The following NLN variants were observed in gnomAD, a reference collection of about 807,000 sequenced individuals.
NLN encodes the protein neurolysin, mitochondrial.
NLN carries 64 observed loss-of-function variants against 79.9 expected under a neutral mutation model. That is an observed-to-expected ratio of 0.80 (90% CI 0.65 to 0.99). The LOEUF (loss-of-function observed/expected upper bound fraction) is 0.99, where lower values mean the gene tolerates loss of function less well. Among genes scored for constraint, NLN ranks in the 50% least tolerant of loss-of-function variants. The pLI is 0.00. For missense variants in NLN, 835 were observed against 858.7 expected, an observed-to-expected ratio of 0.97 and a Z score of 0.34; for synonymous variants, 267 against 296.6, an observed-to-expected ratio of 0.90 and a Z score of 1.02.
At chr5:65,816,214 A>G (rs1197689578) in intron 12 of NLN, among the ~76,000 whole-genome samples, 1 of 152,102 alleles carries the variant, frequency 6.6e-6, no homozygotes, top group Admixed American at 6.5e-5. Flanking sequence ...AAAGAACAAG[A>G]TCATGTCCTT....
At chr5:65,758,505 C>G in intron 1 of NLN, 62 bp from the exon 2 acceptor site, 1 of 1,137,380 alleles carries the variant, frequency 8.8e-7, no homozygotes, top group Non-Finnish European at 1.3e-6. Context: ...AATGCACATT[C>G]ATATGTTGAC....
At chr5:65,736,800 TCC>T (rs1758737367) in intron 1 of NLN, among the ~76,000 whole-genome samples, 1 of 152,204 alleles carries the variant, frequency 6.6e-6, no homozygotes, top group African/African-American at 2.4e-5. Flanking sequence ...TCACTTGTTT[TCC>T]AGTATTCAAA....
At chr5:65,771,923 A>T (rs252631) in intron 3 of NLN, among the ~76,000 whole-genome samples, 64,706 of 149,430 alleles carry the variant, frequency 0.43, 15,085 homozygotes, top group Non-Finnish European at 0.53. Flanking sequence ...TAAAAATTTT[A>T]AAATTAAGTT....
intron 3 of NLN, among the ~76,000 whole-genome samples, chr5:65,772,277 A>C (rs1388718830): frequency 2.6e-5 from 4 of 152,176 alleles, no homozygotes; most frequent in Non-Finnish European, 5.9e-5. Flanking sequence ...TGTGACTTAA[A>C]GCTCTTCAAG....
intron 1 of NLN, among the ~76,000 whole-genome samples, chr5:65,723,537 G>A (rs1318353604): frequency 6.6e-6 from 1 of 152,144 alleles, no homozygotes; most frequent in Admixed American, 6.5e-5. Flanking sequence ...ATTCTCGGCC[G>A]GGCGCTGTGG....
At chr5:65,815,978 C>T (rs1579972910) in intron 12 of NLN, among the ~76,000 whole-genome samples, 1 of 151,974 alleles carries the variant, frequency 6.6e-6, no homozygotes, top group Non-Finnish European at 1.5e-5. Context: ...TAACTGGGTA[C>T]TTGTATTTTC....
chr5:65,818,194 A>AC (rs1760712341), intron 12 of NLN, among the ~76,000 whole-genome samples: 1 of 152,068 alleles, frequency 6.6e-6, no homozygotes, highest in South Asian at 2.1e-4. Flanking sequence ...TGCTCTTAGT[A>AC]CCCCAATAAT....
At chr5:65,741,710 C>G (rs1387675134) in intron 1 of NLN, among the ~76,000 whole-genome samples, 1 of 152,128 alleles carries the variant, frequency 6.6e-6, no homozygotes, top group Non-Finnish European at 1.5e-5. Flanking sequence ...TGTGGTTTTC[C>G]ATGTATGTGG....
chr5:65,781,555 C>T, intron 6 of NLN, 134 bp downstream of exon 6: 1 of 674,066 alleles, frequency 1.5e-6, no homozygotes, highest in Admixed American at 2.9e-5. Context: ...ATTCCTCAGA[C>T]TTACAAGACT....
At chr5:65,799,139 C>T (rs551090966) in intron 9 of NLN, among the ~76,000 whole-genome samples, 544 of 152,272 alleles carry the variant, frequency 3.6e-3, no homozygotes, top group Middle Eastern at 6.8e-3. Flanking sequence ...AAGTCAGCCT[C>T]CCAAAATGCT....
intron 6 of NLN, among the ~76,000 whole-genome samples, chr5:65,784,549 G>C (rs773531289): frequency 1.3e-5 from 2 of 152,162 alleles, no homozygotes; most frequent in Non-Finnish European, 2.9e-5. Context: ...ATGGCAGAAG[G>C]GGGAAGGGCA....
At chr5:65,807,425 G>A (rs1223211498) in intron 9 of NLN, among the ~76,000 whole-genome samples, 1 of 151,336 alleles carries the variant, frequency 6.6e-6, no homozygotes, top group African/African-American at 2.4e-5. Flanking sequence ...CTTTGTGGGT[G>A]TTTTTGGTTT....
At chr5:65,742,566 C>G (rs1758893711) in intron 1 of NLN, among the ~76,000 whole-genome samples, 1 of 152,168 alleles carries the variant, frequency 6.6e-6, no homozygotes, top group Non-Finnish European at 1.5e-5. Context: ...TAGCTGAGTT[C>G]ATGGTGTACA....
At chr5:65,787,416 T>TTG (rs1759954479) in intron 7 of NLN, among the ~76,000 whole-genome samples, 1 of 152,196 alleles carries the variant, frequency 6.6e-6, no homozygotes, top group Admixed American at 6.5e-5. Flanking sequence ...ATCTCTCACA[T>TTG]TGTGAGGTTG....
In NLN at chr5:65,791,151, G is replaced by C. The variant is rs891336525; in HGVS notation, c.1326-1303G>C. On this transcript the variant is annotated intron_variant, in intron 8 of 12. Coordinates refer to ENST00000380985, the MANE Select transcript of NLN (RefSeq NM_020726.5). ...GTTTTAAAAAGACCAGGTACTGTCTGGGTGCAGTGGCTGTAATCCCAGCAC... is the reference window on the plus strand; with the variant it reads ...GTTTTAAAAAGACCAGGTACTGTCTCGGTGCAGTGGCTGTAATCCCAGCAC... Among the ~76,000 whole-genome samples the C allele has an allele frequency of 2.6e-5, 4 of 152,198 alleles. No individual in the cohort carries two copies. In the South Asian group the frequency reaches 8.3e-4, roughly 31 times the overall value.
chr5:65,800,557 C>T lies in NLN; in HGVS notation c.1527+7902C>T. On this transcript the variant is annotated intron_variant, in intron 9 of 12. Coordinates refer to ENST00000380985, the MANE Select transcript of NLN (RefSeq NM_020726.5). ...GGACATGGTGGCGGGCGCCTGTAGC[C>T]CCAGCTACTCGGGAGGCAGGAGAAT... Among the ~76,000 whole-genome samples the T allele has an allele frequency of 1.3e-5, 2 of 151,958 alleles. 1 individual carries two copies. The highest frequency in any genetic ancestry group is 4.8e-5 in the African/African-American group (2 of 41,350).
At position 65,810,027 on chromosome 5, in the gene NLN, A is replaced by G; in HGVS notation, c.1715-10A>G. The G allele has an allele frequency of 6.2e-7, 1 of 1,613,082 alleles. No homozygotes were observed. Among genetic ancestry groups the G allele is most frequent in the Non-Finnish European group, 8.5e-7 (1 of 1,179,496 alleles). Reference sequence around the variant, plus strand: ...CTTCAAAACATGCCCAAACATTCTTATGTTATTAGGTCTTCTGACCCTGCG... The same window carrying G: ...CTTCAAAACATGCCCAAACATTCTTGTGTTATTAGGTCTTCTGACCCTGCG... On this transcript the variant is annotated splice_polypyrimidine_tract_variant and intron_variant, in intron 10 of 12. Transcript: ENST00000380985.
At chr5:65,743,344 A>G (rs1758909425) in intron 1 of NLN, among the ~76,000 whole-genome samples, 1 of 152,248 alleles carries the variant, frequency 6.6e-6, no homozygotes, top group Non-Finnish European at 1.5e-5. Flanking sequence ...TTATTTTTAA[A>G]CTTCTTAATA....
At chr5:65,749,072 G>C (rs574413607) in intron 1 of NLN, among the ~76,000 whole-genome samples, 16 of 152,246 alleles carry the variant, frequency 1.1e-4, no homozygotes, top group Non-Finnish European at 2.1e-4. Context: ...TGCCATGTAA[G>C]ATGTGACTTT....
Sources: allele counts gnomAD v4.1 joint callset (sites outside exome capture counted in the v4.1 genomes callset), GRCh38; gene constraint gnomAD v4.1.1; transcripts MANE v1.5; gene names NCBI Gene and HGNC (gene_info 2026-07-23, HGNC 2026-07-21).